Variants in PSD3 observed in about 807,000 individuals in gnomAD.
PSD3 encodes pleckstrin and Sec7 domain containing 3.
PSD3 carries 49 observed loss-of-function variants against 105.5 expected under a neutral mutation model. The observed-to-expected ratio is 0.46, with a 90% CI of 0.37 to 0.59. The LOEUF (loss-of-function observed/expected upper bound fraction) is 0.59. Among genes scored for constraint, PSD3 ranks in the 20% least tolerant of loss-of-function variants. PSD3 has a pLI of 0.00. For synonymous variants in PSD3, 557 were observed against 457.8 expected (o/e 1.22, Z -2.77); for missense variants, 1,561 against 1,263.8 (o/e 1.24, Z -3.57).
chr8:18,771,325 T>C (rs770634275), intron 8 of PSD3, among the ~76,000 whole-genome samples: 5 of 152,234 alleles, frequency 3.3e-5, no homozygotes, highest in Non-Finnish European at 7.3e-5. Context: ...TCCCTGCCTC[T>C]TGTCCCTATC....
chr8:19,025,815 A>G (rs977344716), intron 1 of PSD3, among the ~76,000 whole-genome samples: 1 of 152,226 alleles, frequency 6.6e-6, no homozygotes, highest in Non-Finnish European at 1.5e-5. Context: ...GTAAAAACCC[A>G]TACATTTAGT....
At chr8:18,847,141 T>C (rs975697530) in intron 4 of PSD3, among the ~76,000 whole-genome samples, 13 of 152,138 alleles carry the variant, frequency 8.5e-5, no homozygotes, top group Admixed American at 3.9e-4. Flanking sequence ...TCTGCTTTCA[T>C]GCGAGAAACC....
At chr8:18,735,225 G>C (rs895915357) in intron 9 of PSD3, among the ~76,000 whole-genome samples, 6 of 152,154 alleles carry the variant, frequency 3.9e-5, no homozygotes, top group African/African-American at 1.4e-4. Flanking sequence ...GATAAGAGGA[G>C]ACTACTTACC....
intron 12 of PSD3, among the ~76,000 whole-genome samples, chr8:18,598,981 G>A (rs954951901): frequency 7.9e-5 from 12 of 151,682 alleles, no homozygotes; most frequent in African/African-American, 2.7e-4. Context: ...TGCCCACAGC[G>A]ACCTACATAT....
chr8:18,923,920 T>G (rs773310383), intron 2 of PSD3, among the ~76,000 whole-genome samples: 17 of 152,038 alleles, frequency 1.1e-4, no homozygotes, highest in Non-Finnish European at 2.1e-4. Flanking sequence ...GTGTTTTATA[T>G]ATATATACAT....
At chr8:18,818,685 C>A (rs1422386117) in intron 4 of PSD3, among the ~76,000 whole-genome samples, 1 of 113,298 alleles carries the variant, frequency 8.8e-6, no homozygotes, top group East Asian at 2.1e-4. Context: ...CTCTCCATAC[C>A]CCCCCCAACA....
chr8:18,881,794 C>A (rs1018939940), intron 2 of PSD3, among the ~76,000 whole-genome samples: 3 of 152,170 alleles, frequency 2.0e-5, no homozygotes, highest in Non-Finnish European at 4.4e-5. Context: ...AAGGCAAGAA[C>A]TTTATTTGCT....
At position 18,601,547 on chromosome 8, in the gene PSD3, A is replaced by G. The variant is rs554264081; in HGVS notation, c.2411-1113T>C. On this transcript the variant is annotated intron_variant, in intron 11 of 15. Coordinates refer to ENST00000327040, the MANE Select transcript of PSD3 (RefSeq NM_015310.4). Reference sequence around the variant, plus strand: ...AATAGCCACTTACAGAACACAGGCAATCCTGCCAACACCATGCTGAGATAT... The same window carrying G: ...AATAGCCACTTACAGAACACAGGCAGTCCTGCCAACACCATGCTGAGATAT... Among the ~76,000 whole-genome samples, 16 of 152,302 alleles carry G rather than the reference A, an allele frequency of 1.1e-4. No homozygotes were observed. In the South Asian group the frequency reaches 3.1e-3, roughly 30 times the overall value.
chr8:18,586,183 G>T (rs1803173130), intron 12 of PSD3, among the ~76,000 whole-genome samples: 1 of 152,150 alleles, frequency 6.6e-6, no homozygotes, highest in Non-Finnish European at 1.5e-5. Flanking sequence ...CTTCCTGTAG[G>T]AGTGGCCAAA....
chr8:18,535,855 C>G lies in PSD3; in HGVS notation c.3032G>C (p.Ser1011Thr). Residue 1011 changes from serine (S) to threonine (T), a missense_variant, in exon 16 of 16, where the codon AGT becomes ACT. Physicochemically the swap from Ser to Thr is moderately conservative, Grantham distance 58. Coordinates refer to ENST00000327040, the MANE Select transcript of PSD3 (RefSeq NM_015310.4). ...AGAAGTATCCGGGTTCAGCGAAGGACTCGAGTGCGACTTCTTCAGTCCTGC... is the reference window on the plus strand; with the variant it reads ...AGAAGTATCCGGGTTCAGCGAAGGAGTCGAGTGCGACTTCTTCAGTCCTGC... ...EAAGLKKSHS[S>T]PSLNPDTSPI... 6.2e-7 allele frequency: 1 copy of G among 1,614,128 alleles called. No homozygotes were observed. The highest frequency in any genetic ancestry group is 8.5e-7 in the Non-Finnish European group (1 of 1,179,974).
intron 10 of PSD3, among the ~76,000 whole-genome samples, chr8:18,648,106 G>A (rs139722251): frequency 0.013 from 1,892 of 146,216 alleles, 38 homozygotes; most frequent in African/African-American, 0.046. Context: ...AGAAAAATGG[G>A]TCCCAAGAAG....
At chr8:18,951,957 A>T (rs1332623631) in intron 1 of PSD3, among the ~76,000 whole-genome samples, 2 of 152,162 alleles carry the variant, frequency 1.3e-5, no homozygotes, top group Admixed American at 6.6e-5. Context: ...CAACAAGAGC[A>T]AAACTCTGTC....
intron 4 of PSD3, among the ~76,000 whole-genome samples, chr8:18,815,339 C>T (rs1256764856): frequency 6.6e-6 from 1 of 151,982 alleles, no homozygotes; most frequent in Non-Finnish European, 1.5e-5. Context: ...GATGGAGTCT[C>T]GCTCTGTTGC....
At chr8:18,755,486 A>ACATAACAT (rs61699522) in intron 9 of PSD3, among the ~76,000 whole-genome samples, 4 of 151,826 alleles carry the variant, frequency 2.6e-5, no homozygotes, top group Admixed American at 6.6e-5. Context: ...ACATAACATA[A>ACATAACAT]AAATGCTCCA....
intron 4 of PSD3, among the ~76,000 whole-genome samples, chr8:18,846,993 G>A (rs543744564): frequency 2.5e-4 from 38 of 152,160 alleles, no homozygotes; most frequent in African/African-American, 8.0e-4. Context: ...AACTCTAAAG[G>A]GAGAAAAATT....
intron 1 of PSD3, among the ~76,000 whole-genome samples, chr8:18,982,728 C>A (rs763197881): frequency 8.5e-5 from 13 of 152,310 alleles, no homozygotes; most frequent in Non-Finnish European, 1.6e-4. Flanking sequence ...CAGGCCTCAA[C>A]AGTTGGCTTC....
intron 9 of PSD3, among the ~76,000 whole-genome samples, chr8:18,675,949 C>A (rs545100540): frequency 6.6e-6 from 1 of 152,164 alleles, no homozygotes; most frequent in Non-Finnish European, 1.5e-5. Flanking sequence ...CAGGCATGAT[C>A]TAACAACAGG....
intron 4 of PSD3, among the ~76,000 whole-genome samples, chr8:18,806,296 TATA>T (rs1307888061): frequency 1.3e-5 from 2 of 152,198 alleles, no homozygotes; most frequent in Non-Finnish European, 2.9e-5. Flanking sequence ...AAAATAGTGT[TATA>T]ATAATTAGTG....
chr8:19,041,801 T>C (rs1828133560), intron 1 of PSD3, among the ~76,000 whole-genome samples: 1 of 152,236 alleles, frequency 6.6e-6, no homozygotes, highest in South Asian at 2.1e-4. Flanking sequence ...GCATTATTTA[T>C]CCTTGTTAAA....
Sources: allele counts gnomAD v4.1 joint callset (sites outside exome capture counted in the v4.1 genomes callset), GRCh38; gene constraint gnomAD v4.1.1; transcripts MANE v1.5; gene names NCBI Gene and HGNC (gene_info 2026-07-23, HGNC 2026-07-21).